SRFBP1: variants seen among roughly 807,000 people sequenced by gnomAD.
The protein encoded by SRFBP1 is serum response factor binding protein 1.
Under a neutral mutation model 45.5 loss-of-function variants are expected in SRFBP1, and 47 were observed. The observed-to-expected ratio is 1.03, with a 90% CI of 0.82 to 1.32. SRFBP1 has a LOEUF of 1.32. Ranked by LOEUF, SRFBP1 falls within the 40% of genes most tolerant of loss-of-function variation. The pLI is 0.00. For missense variants in SRFBP1, 621 were observed against 484.6 expected, an observed-to-expected ratio of 1.28 and a Z score of -2.64; for synonymous variants, 203 against 166.3, an observed-to-expected ratio of 1.22 and a Z score of -1.70.
At chr5:122,072,045 C>G (rs942636010) in intron 2 of SRFBP1, among the ~76,000 whole-genome samples, 1 of 152,142 alleles carries the variant, frequency 6.6e-6, no homozygotes, top group African/African-American at 2.4e-5. Context: ...TTCCAGCATA[C>G]AATTCTGATT....
At position 122,060,411 on chromosome 5, in the gene SRFBP1, C is replaced by G. The variant is rs192939880; in HGVS notation, n.312-14904C>G. 4.0e-3 allele frequency among the ~76,000 whole-genome samples: 616 copies of G among 152,158 alleles called. 2 individuals carry two copies. Among genetic ancestry groups the G allele is most frequent in the Non-Finnish European group, 7.4e-3 (500 of 67,966 alleles). On this transcript the variant is annotated intron_variant and non_coding_transcript_variant, in intron 2 of 2. Transcript: ENST00000504881. Reference sequence around the variant, plus strand: ...CAATCATTTTCCTTTCCTCCACTTTCCCATCACACCCACACATAAGCCAAA... The same window carrying G: ...CAATCATTTTCCTTTCCTCCACTTTGCCATCACACCCACACATAAGCCAAA...
chr5:122,026,383 A>G (rs1753480671), intron 7 of SRFBP1, among the ~76,000 whole-genome samples: 1 of 152,240 alleles, frequency 6.6e-6, no homozygotes, highest in African/African-American at 2.4e-5. Context: ...CTAAAAAAGA[A>G]CTTTGTCTTA....
rs1753519970 is a variant in SRFBP1, at chr5:122,027,887, T to C, written c.*761T>C. ...TAGCAATACAACCAATAATTTGTTTTATGTTTCACTGCATATAAATATTTC... is the reference window on the plus strand; with the variant it reads ...TAGCAATACAACCAATAATTTGTTTCATGTTTCACTGCATATAAATATTTC... On this transcript the variant is annotated 3_prime_UTR_variant, in exon 8 of 8. Coordinates refer to ENST00000339397, the MANE Select transcript of SRFBP1 (RefSeq NM_152546.3). 6.6e-6 allele frequency: 1 copy of C among 152,198 alleles called. No homozygotes were observed. The highest frequency in any genetic ancestry group is 1.5e-5 in the Non-Finnish European group (1 of 68,040). 9.4% of individuals were successfully genotyped at this position (152,198 alleles called of 1,614,324 possible). A position where few individuals can be genotyped will look rare whatever the true frequency, so the allele number is the denominator to read the frequency against.
intron 2 of SRFBP1, chr5:122,073,992 G>C (rs759957907): frequency 6.2e-7 from 1 of 1,601,054 alleles, no homozygotes; most frequent in Non-Finnish European, 8.5e-7. Context: ...TGAGGTTCTG[G>C]ATTTCAGGGT....
At chr5:121,970,069 TTCTGGGTTG>T (rs1752155657) in intron 1 of SRFBP1, among the ~76,000 whole-genome samples, 1 of 152,160 alleles carries the variant, frequency 6.6e-6, no homozygotes, top group Non-Finnish European at 1.5e-5. Context: ...GTTCATTGAC[TTCTGGGTTG>T]TCAGCCAACT....
chr5:122,072,121 C>T (rs1182894302), intron 2 of SRFBP1, among the ~76,000 whole-genome samples: 1 of 152,144 alleles, frequency 6.6e-6, no homozygotes. Context: ...ATGTTCATGA[C>T]ATTGTAAAGG....
intron 2 of SRFBP1, among the ~76,000 whole-genome samples, chr5:122,059,535 T>A (rs936308484): frequency 2.8e-4 from 42 of 152,136 alleles, no homozygotes; most frequent in African/African-American, 1.0e-3. Flanking sequence ...TAAATTTTTC[T>A]ATACCCCTAA....
intron 7 of SRFBP1, among the ~76,000 whole-genome samples, chr5:122,022,945 C>T (rs892303725): frequency 6.6e-6 from 1 of 152,194 alleles, no homozygotes. Context: ...GGCTGTGTTC[C>T]ACATAGTCAT....
chr5:122,047,700 GT>G (rs1325886365), intron 2 of SRFBP1, among the ~76,000 whole-genome samples: 3 of 151,916 alleles, frequency 2.0e-5, no homozygotes, highest in African/African-American at 7.3e-5. Flanking sequence ...TCTTCCATTT[GT>G]TTGTATCCTC....
At chr5:122,003,690 G>C (rs906864986) in intron 4 of SRFBP1, among the ~76,000 whole-genome samples, 4 of 152,084 alleles carry the variant, frequency 2.6e-5, no homozygotes, top group Non-Finnish European at 4.4e-5. Context: ...ATGTATAAGA[G>C]TTCCCTTTTC....
At chr5:122,061,227 C>T (rs781695549) in intron 2 of SRFBP1, among the ~76,000 whole-genome samples, 6 of 151,624 alleles carry the variant, frequency 4.0e-5, no homozygotes, top group East Asian at 2.0e-4. Flanking sequence ...TTCAAACAAA[C>T]GATCTCTTAT....
chr5:122,054,078 G>T (rs1383822509), intron 2 of SRFBP1, among the ~76,000 whole-genome samples: 1 of 152,160 alleles, frequency 6.6e-6, no homozygotes, highest in Non-Finnish European at 1.5e-5. Context: ...CTGCTTCCAG[G>T]CACCACAACT....
intron 2 of SRFBP1, among the ~76,000 whole-genome samples, chr5:122,035,103 C>T (rs1400340655): frequency 6.6e-6 from 1 of 152,042 alleles, no homozygotes; most frequent in African/African-American, 2.4e-5. Context: ...GAGTCTTCAC[C>T]TGTGTCCTGA....
At chr5:121,999,894 T>C (rs1267863302) in intron 4 of SRFBP1, among the ~76,000 whole-genome samples, 3 of 152,158 alleles carry the variant, frequency 2.0e-5, no homozygotes, top group African/African-American at 7.2e-5. Flanking sequence ...TCCAATCTGA[T>C]AATCTCTCTT....
At chr5:121,988,996 T>C (rs1580509554) in intron 3 of SRFBP1, among the ~76,000 whole-genome samples, 2 of 152,294 alleles carry the variant, frequency 1.3e-5, no homozygotes, top group East Asian at 3.9e-4. Context: ...TTATATTCAA[T>C]TTAGAGAAAA....
downstream of SRFBP1, among the ~76,000 whole-genome samples, chr5:122,032,498 A>G (rs1753607982): frequency 1.3e-5 from 2 of 151,456 alleles, no homozygotes; most frequent in Admixed American, 6.6e-5. Context: ...CTTACCTCAT[A>G]TTCTTTCTTA....
chr5:122,016,827 C>T (rs527435037), intron 4 of SRFBP1, among the ~76,000 whole-genome samples: 3 of 152,042 alleles, frequency 2.0e-5, no homozygotes, highest in South Asian at 4.2e-4. Context: ...CATGAGTAGA[C>T]GACATTTCTT....
intron 2 of SRFBP1, among the ~76,000 whole-genome samples, chr5:122,044,404 C>T (rs887959917): frequency 6.6e-5 from 10 of 152,096 alleles, no homozygotes; most frequent in South Asian, 2.1e-4. Context: ...AATTCTCTTT[C>T]GAGTTCTTTG....
At chr5:121,988,832 C>T (rs1580509466) in intron 3 of SRFBP1, among the ~76,000 whole-genome samples, 1 of 152,210 alleles carries the variant, frequency 6.6e-6, no homozygotes, top group African/African-American at 2.4e-5. Context: ...AGTTGAGCAA[C>T]CTAAATTTTC....
Sources: allele counts gnomAD v4.1 joint callset (sites outside exome capture counted in the v4.1 genomes callset), GRCh38; gene constraint gnomAD v4.1.1; transcripts MANE v1.5; gene names NCBI Gene and HGNC (gene_info 2026-07-23, HGNC 2026-07-21).